FNDC3B: variants seen among roughly 807,000 people sequenced by gnomAD.
The protein encoded by FNDC3B is fibronectin type III domain-containing protein 3B.
FNDC3B carries 12 observed loss-of-function variants against 151.5 expected under a neutral mutation model. The observed-to-expected ratio is 0.08, with a 90% CI of 0.05 to 0.13. The LOEUF (loss-of-function observed/expected upper bound fraction) is 0.13, where lower values mean the gene tolerates loss of function less well. Ranked by LOEUF, FNDC3B falls within the 10% of genes least tolerant of loss-of-function variation. The pLI is 1.00. For synonymous variants in FNDC3B, 528 were observed against 549.0 expected (o/e 0.96, Z 0.54); for missense variants, 1,214 against 1,505.3 (o/e 0.81, Z 3.20).
intron 1 of FNDC3B, among the ~76,000 whole-genome samples, chr3:172,098,202 C>T (rs1331102829): frequency 6.6e-6 from 1 of 152,084 alleles, no homozygotes; most frequent in South Asian, 2.1e-4. Context: ...CCAGGTTGTA[C>T]TTCCTTACAT....
chr3:172,107,985 T>C (rs1047382471), intron 1 of FNDC3B, among the ~76,000 whole-genome samples: 4 of 152,006 alleles, frequency 2.6e-5, no homozygotes, highest in Admixed American at 6.5e-5. Context: ...TTGGTCAACA[T>C]AGTGAAACCC....
chr3:172,122,169 A>T (rs1351847987), intron 2 of FNDC3B, among the ~76,000 whole-genome samples: 3 of 152,250 alleles, frequency 2.0e-5, no homozygotes, highest in Non-Finnish European at 4.4e-5. Flanking sequence ...TGATTTAAAC[A>T]TATGACTATA....
At chr3:172,161,825 T>C (rs1276519297) in intron 3 of FNDC3B, among the ~76,000 whole-genome samples, 1 of 152,208 alleles carries the variant, frequency 6.6e-6, no homozygotes, top group Non-Finnish European at 1.5e-5. Flanking sequence ...CAAAACTCCA[T>C]TCCCATTAGC....
At chr3:172,334,831 G>A in intron 14 of FNDC3B, 113 bp from the exon 15 acceptor site, 1 of 855,870 alleles carries the variant, frequency 1.2e-6, no homozygotes, top group Non-Finnish European at 1.8e-6. Context: ...AGAAAAAAAT[G>A]TGTGTGTGTC....
intron 1 of FNDC3B, among the ~76,000 whole-genome samples, chr3:172,094,001 A>C (rs568210933): frequency 1.5e-4 from 23 of 152,250 alleles, no homozygotes; most frequent in African/African-American, 5.5e-4. Flanking sequence ...AACCACCACC[A>C]CTAGCAAATT....
intron 2 of FNDC3B, among the ~76,000 whole-genome samples, chr3:172,118,966 A>G (rs1353841380): frequency 2.0e-5 from 3 of 151,952 alleles, no homozygotes; most frequent in South Asian, 4.2e-4. Context: ...CAGGAGATCA[A>G]GACCATCCTG....
At chr3:172,208,775 G>A (rs1037588828) in intron 3 of FNDC3B, among the ~76,000 whole-genome samples, 22 of 151,858 alleles carry the variant, frequency 1.4e-4, no homozygotes, top group East Asian at 1.9e-4. Flanking sequence ...CCAAGGGTGC[G>A]CCAGTCACGG....
intron 17 of FNDC3B, among the ~76,000 whole-genome samples, chr3:172,342,376 A>G (rs1007719976): frequency 2.0e-5 from 3 of 152,226 alleles, no homozygotes; most frequent in East Asian, 1.9e-4. Flanking sequence ...GCTCAAATGC[A>G]TAGAGTTCAT....
At chr3:172,342,896 G>C in intron 17 of FNDC3B, 115 bp from the exon 18 acceptor site, 1 of 661,360 alleles carries the variant, frequency 1.5e-6, no homozygotes. Flanking sequence ...CACATTTAGT[G>C]TGTAACCCCT....
At chr3:172,383,278 G>A (rs972365675) in intron 25 of FNDC3B, among the ~76,000 whole-genome samples, 3 of 152,158 alleles carry the variant, frequency 2.0e-5, no homozygotes, top group Non-Finnish European at 4.4e-5. Flanking sequence ...TCTATTATTG[G>A]TGTATAGGAA....
At chr3:172,380,128 C>T (rs1735361774) in intron 24 of FNDC3B, among the ~76,000 whole-genome samples, 1 of 151,006 alleles carries the variant, frequency 6.6e-6, no homozygotes, top group South Asian at 2.1e-4. Context: ...CACAGAATTG[C>T]AAGCAGAAAC....
At chr3:172,228,988 G>C (rs1316600117) in intron 4 of FNDC3B, among the ~76,000 whole-genome samples, 1 of 151,870 alleles carries the variant, frequency 6.6e-6, no homozygotes, top group Non-Finnish European at 1.5e-5. Context: ...ATGAAATGAG[G>C]AAGGCCGAAC....
At chr3:172,144,328 G>A (rs750029998) in intron 3 of FNDC3B, among the ~76,000 whole-genome samples, 16 of 152,162 alleles carry the variant, frequency 1.1e-4, no homozygotes, top group East Asian at 7.7e-4. Flanking sequence ...CACCTCCAAC[G>A]TTGGGAGTCA....
At chr3:172,180,960 A>C (rs555461544) in intron 3 of FNDC3B, among the ~76,000 whole-genome samples, 39 of 152,234 alleles carry the variant, frequency 2.6e-4, no homozygotes, top group Middle Eastern at 3.4e-3. Context: ...ATGGGGGGAG[A>C]CATTATATAT....
chr3:172,125,410 C>G (rs912609363), intron 2 of FNDC3B, among the ~76,000 whole-genome samples: 2 of 152,112 alleles, frequency 1.3e-5, no homozygotes, highest in African/African-American at 4.8e-5. Flanking sequence ...GCTGCTCCCT[C>G]CCGGGTCAGC....
At chr3:172,244,167 C>A (rs759477497) in intron 4 of FNDC3B, among the ~76,000 whole-genome samples, 3 of 152,174 alleles carry the variant, frequency 2.0e-5, no homozygotes, top group Non-Finnish European at 4.4e-5. Context: ...CAGTCCTTAG[C>A]ACATAGTATG....
intron 1 of FNDC3B, among the ~76,000 whole-genome samples, chr3:172,078,139 G>C (rs1718108530): frequency 6.6e-6 from 1 of 151,948 alleles, no homozygotes; most frequent in African/African-American, 2.4e-5. Context: ...CGCCACCATG[G>C]CCTGCTAATT....
chr3:172,394,202 G>T (rs567115630), intron 25 of FNDC3B, among the ~76,000 whole-genome samples: 85 of 139,836 alleles, frequency 6.1e-4, no homozygotes, highest in African/African-American at 2.2e-3. Context: ...CAAAAAGCAA[G>T]AGAGATCCCA....
rs1280092062 is a variant in FNDC3B, at chr3:172,101,328, C to T, written c.-28-11124C>T. 2.6e-5 allele frequency among the ~76,000 whole-genome samples: 4 copies of T among 152,158 alleles called. No homozygotes were observed. In the East Asian group the frequency reaches 7.7e-4, roughly 29 times the overall value. Reference sequence around the variant, plus strand: ...GGTCTGTTGACTTTGTGTGGTATTTCGTCAGAAGTGTCCAATGCAGATTCG... The same window carrying T: ...GGTCTGTTGACTTTGTGTGGTATTTTGTCAGAAGTGTCCAATGCAGATTCG... On this transcript the variant is annotated intron_variant, in intron 1 of 25. Transcript: ENST00000415807.
Sources: allele counts gnomAD v4.1 joint callset (sites outside exome capture counted in the v4.1 genomes callset), GRCh38; gene constraint gnomAD v4.1.1; transcripts MANE v1.5; gene names NCBI Gene and HGNC (gene_info 2026-07-23, HGNC 2026-07-21).